SSH2: variants seen among roughly 807,000 people sequenced by gnomAD.
SSH2 encodes the protein protein phosphatase Slingshot homolog 2.
In SSH2, 37 loss-of-function variants were observed where a neutral mutation model predicts 135.2. The ratio of observed to expected loss-of-function variants is 0.27; its 90% CI spans 0.21 to 0.36. The LOEUF (loss-of-function observed/expected upper bound fraction) is 0.36, where lower values mean the gene tolerates loss of function less well. SSH2 is among the 10% of genes least tolerant of loss of function. SSH2 has a pLI of 1.00. For synonymous variants in SSH2, 628 were observed against 646.2 expected, an observed-to-expected ratio of 0.97 and a Z score of 0.43; for missense variants, 1,408 against 1,765.3, an observed-to-expected ratio of 0.80 and a Z score of 3.63.
At chr17:29,716,625 C>T in intron 3 of SSH2, 1 of 674,694 alleles carries the variant, frequency 1.5e-6, no homozygotes, top group Non-Finnish European at 2.8e-6. Flanking sequence ...ACAACTCCAT[C>T]TTTTCTAAAA....
chr17:29,648,111 A>T, intron 14 of SSH2, 33 bp downstream of exon 14: 1 of 1,600,118 alleles, frequency 6.2e-7, no homozygotes, highest in Non-Finnish European at 8.6e-7. Context: ...GGAACTTAAA[A>T]GGAGGGAGAA....
chr17:29,747,143 C>CA (rs1468160322), intron 3 of SSH2, among the ~76,000 whole-genome samples: 1 of 151,986 alleles, frequency 6.6e-6, no homozygotes, highest in African/African-American at 2.4e-5. Flanking sequence ...ACGTGATATC[C>CA]AAAATGTCCT....
chr17:29,895,044 C>T lies in SSH2; in HGVS notation c.63+34894G>A, dbSNP rs533270882. Among the ~76,000 whole-genome samples the T allele has an allele frequency of 8.6e-5, 13 of 151,550 alleles. No individual in the cohort carries two copies. The South Asian group carries it at 2.7e-3, about 32-fold the overall frequency. The stretch of plus-strand genomic sequence containing the variant: ...CCCCTTCTCTGACATAGACTCTCCA[C>T]TCCAACCACATAAAATCACATGTAT... On this transcript the variant is annotated intron_variant, in intron 1 of 15. Coordinates refer to ENST00000540801, the MANE Select transcript of SSH2 (RefSeq NM_001282129.2).
intron 5 of SSH2, among the ~76,000 whole-genome samples, chr17:29,690,923 C>A (rs2038442927): frequency 6.6e-6 from 1 of 151,548 alleles, no homozygotes. Flanking sequence ...TCTTTACACA[C>A]ACACACACAC....
intron 9 of SSH2, among the ~76,000 whole-genome samples, chr17:29,671,683 A>C (rs765401804): frequency 1.2e-4 from 19 of 152,244 alleles, no homozygotes; most frequent in Non-Finnish European, 2.6e-4. Context: ...AATCTGAATA[A>C]TGAAATTTTA....
chr17:29,831,159 G>C (rs183871244), intron 2 of SSH2, among the ~76,000 whole-genome samples: 68 of 152,286 alleles, frequency 4.5e-4, no homozygotes, highest in Non-Finnish European at 8.1e-4. Flanking sequence ...GCAGACCCGG[G>C]TGAGGGTCTG....
intron 8 of SSH2, among the ~76,000 whole-genome samples, chr17:29,673,007 T>C (rs1419965753): frequency 6.6e-6 from 1 of 151,578 alleles, no homozygotes; most frequent in Non-Finnish European, 1.5e-5. Context: ...GTGCCTGGCC[T>C]AGCTCTGGTA....
At chr17:29,825,732 A>T (rs1257469429) in intron 2 of SSH2, among the ~76,000 whole-genome samples, 2 of 152,210 alleles carry the variant, frequency 1.3e-5, no homozygotes, top group Admixed American at 1.3e-4. Flanking sequence ...GGAAGACGCC[A>T]TCATTGTCCT....
chr17:29,850,863 C>T (rs1165086089), intron 1 of SSH2, among the ~76,000 whole-genome samples: 2 of 151,976 alleles, frequency 1.3e-5, no homozygotes, highest in East Asian at 1.9e-4. Flanking sequence ...CGGGCGCCTG[C>T]AGTCCCACCT....
At chr17:29,650,923 A>C (rs1233220945) in intron 12 of SSH2, 123 bp from the exon 13 acceptor site, 2 of 757,800 alleles carry the variant, frequency 2.6e-6, no homozygotes, top group East Asian at 6.0e-5. Context: ...AAAAATAATG[A>C]AGACAGCTAA....
chr17:29,709,935 A>G (rs1029333909), intron 3 of SSH2, among the ~76,000 whole-genome samples: 1 of 152,226 alleles, frequency 6.6e-6, no homozygotes, highest in African/African-American at 2.4e-5. Flanking sequence ...TATTTGGGAA[A>G]GTGCTCTGTG....
intron 5 of SSH2, among the ~76,000 whole-genome samples, chr17:29,694,664 G>T (rs547949564): frequency 6.6e-6 from 1 of 152,194 alleles, no homozygotes; most frequent in South Asian, 2.1e-4. Flanking sequence ...GCAAGACTCC[G>T]TCTCACAAAG....
chr17:29,861,656 C>T lies in SSH2; in HGVS notation c.64-12727G>A, dbSNP rs1034836444. On this transcript the variant is annotated intron_variant, in intron 1 of 15. Transcript: ENST00000540801. ...TCGGCTCACTGCAACCTTCCACTGCCGGGTTCAAGAGATTCTCCTGCCTTA... is the reference window on the plus strand; with the variant it reads ...TCGGCTCACTGCAACCTTCCACTGCTGGGTTCAAGAGATTCTCCTGCCTTA... 3.3e-5 allele frequency among the ~76,000 whole-genome samples: 5 copies of T among 151,920 alleles called. No homozygotes were observed. In the East Asian group the frequency reaches 5.8e-4, roughly 18 times the overall value.
intron 5 of SSH2, among the ~76,000 whole-genome samples, chr17:29,686,625 TC>T (rs886866134): frequency 1.4e-4 from 21 of 151,738 alleles, no homozygotes; most frequent in African/African-American, 4.4e-4. Flanking sequence ...TGTCTTGGCC[TC>T]CCAAAGTGCT....
chr17:29,684,829 C>T (rs1297077049), intron 5 of SSH2, 145 bp from the exon 6 acceptor site: 2 of 610,140 alleles, frequency 3.3e-6, no homozygotes, highest in South Asian at 2.6e-5. Flanking sequence ...AATCTCAGCT[C>T]GTACACTAGC....
intron 3 of SSH2, among the ~76,000 whole-genome samples, chr17:29,756,643 G>C (rs975566837): frequency 1.3e-5 from 2 of 151,742 alleles, no homozygotes; most frequent in African/African-American, 4.8e-5. Context: ...CACAGGATTT[G>C]TTTTTTGGTG....
intron 12 of SSH2, among the ~76,000 whole-genome samples, chr17:29,653,775 A>G (rs1424933769): frequency 6.6e-6 from 1 of 152,080 alleles, no homozygotes; most frequent in Non-Finnish European, 1.5e-5. Context: ...TTTAGTAGAG[A>G]CAGGGTTTCA....
At chr17:29,876,853 CA>C (rs1773242124) in intron 1 of SSH2, among the ~76,000 whole-genome samples, 1 of 150,768 alleles carries the variant, frequency 6.6e-6, no homozygotes, top group Non-Finnish European at 1.5e-5. Flanking sequence ...GCAACCTAAG[CA>C]AAAATGGACA....
chr17:29,643,021 G>T, intron 14 of SSH2: 1 of 660,090 alleles, frequency 1.5e-6, no homozygotes, highest in Non-Finnish European at 1.9e-6. Context: ...TAAAATGCAA[G>T]ATCTAAACAC....
Sources: allele counts gnomAD v4.1 joint callset (sites outside exome capture counted in the v4.1 genomes callset), GRCh38; gene constraint gnomAD v4.1.1; transcripts MANE v1.5; gene names NCBI Gene and HGNC (gene_info 2026-07-23, HGNC 2026-07-21).